Variants in KIF5C observed in about 807,000 individuals in gnomAD.
The protein encoded by KIF5C is kinesin heavy chain isoform 5C.
KIF5C carries 18 observed loss-of-function variants against 125.2 expected under a neutral mutation model. That is an observed-to-expected ratio of 0.14 (90% confidence interval 0.10 to 0.21). The LOEUF is 0.21. Ranked by LOEUF, KIF5C falls within the 10% of genes least tolerant of loss-of-function variation. The pLI, the probability that KIF5C is intolerant of heterozygous loss-of-function variation, is 1.00. For missense variants in KIF5C, 780 were observed against 1,183.8 expected, an observed-to-expected ratio of 0.66 and a Z score of 5.01; for synonymous variants, 405 against 434.0, an observed-to-expected ratio of 0.93 and a Z score of 0.83.
intron 10 of KIF5C, among the ~76,000 whole-genome samples, chr2:148,957,841 A>G (rs1454528357): frequency 6.6e-6 from 1 of 152,102 alleles, no homozygotes; most frequent in East Asian, 1.9e-4. Context: ...GGATCTTGGA[A>G]GCCTCTCTCT....
intron 2 of KIF5C, among the ~76,000 whole-genome samples, chr2:148,926,860 C>CT: frequency 6.6e-6 from 1 of 152,302 alleles, no homozygotes; most frequent in East Asian, 1.9e-4. Context: ...GAGAGAGGTT[C>CT]TGCAGCAGTG....
In KIF5C at chr2:148,875,585, C is replaced by CCTCCCCCTGCCCCCCCCCT; in HGVS notation, c.-33_-32insCTCCCCCTGCCCCCCCCCT. The stretch of plus-strand genomic sequence containing the variant: ...TCGTTCCCGGCCCCGGCCCCCCACC[C>CCTCCCCCTGCCCCCCCCCT]ATCCCCGTGCCCCCTCCCTACCGCC... On this transcript the variant is annotated 5_prime_UTR_variant, in exon 1 of 26. Coordinates refer to ENST00000435030, the MANE Select transcript of KIF5C (RefSeq NM_004522.3). The CCTCCCCCTGCCCCCCCCCT allele has an allele frequency of 9.8e-7, 1 of 1,023,220 alleles. No homozygotes were observed. 63.4% of individuals were successfully genotyped at this position (1,023,220 alleles called of 1,614,324 possible). A position where few individuals can be genotyped will look rare whatever the true frequency, so the allele number is the denominator to read the frequency against.
chr2:148,880,197 C>A lies in KIF5C; in HGVS notation c.126+4454C>A, dbSNP rs148124711. ...GTGCAGTGGTGTGACCCTGGCTTAT[C>A]GCAACCTCTGCCTCCTGGGTTCAAG... On this transcript the variant is annotated intron_variant, in intron 1 of 25. Transcript: ENST00000435030. 3.6e-3 allele frequency among the ~76,000 whole-genome samples: 552 copies of A among 151,964 alleles called. 3 individuals carry two copies. Among genetic ancestry groups the A allele is most frequent in the African/African-American group, 0.012 (509 of 41,428 alleles).
chr2:148,990,997 C>G lies in KIF5C; in HGVS notation c.1717-13C>G, dbSNP rs1486479273. 3 of 1,609,932 alleles carry G rather than the reference C, an allele frequency of 1.9e-6. No homozygotes were observed. The highest frequency in any genetic ancestry group is 2.5e-6 in the Non-Finnish European group (3 of 1,177,498). On this transcript the variant is annotated splice_polypyrimidine_tract_variant and intron_variant, in intron 15 of 25. Transcript: ENST00000435030. ...TGTGGGCAACATTTGAGTGTGTCCC[C>G]TTCTTTGCTCAGTTGGCAGATGTGA...
chr2:149,003,720 C>T (rs1681921190), intron 21 of KIF5C, among the ~76,000 whole-genome samples: 1 of 152,172 alleles, frequency 6.6e-6, no homozygotes, highest in Admixed American at 6.5e-5. Flanking sequence ...TACTACCCTT[C>T]CCAAACTGTT....
At chr2:148,880,830 G>A (rs1681327403) in intron 1 of KIF5C, among the ~76,000 whole-genome samples, 1 of 152,070 alleles carries the variant, frequency 6.6e-6, no homozygotes, top group Non-Finnish European at 1.5e-5. Flanking sequence ...GCTGTAATCT[G>A]GCGTGTGTCA....
chr2:148,937,207 C>G, intron 3 of KIF5C, 77 bp from the exon 4 acceptor site: 9 of 1,523,628 alleles, frequency 5.9e-6, no homozygotes, highest in Non-Finnish European at 7.1e-6. Context: ...TCTGAGGAAC[C>G]CAGAGATGGT....
At chr2:148,933,507 A>C (rs1289792950) in intron 3 of KIF5C, among the ~76,000 whole-genome samples, 3 of 151,562 alleles carry the variant, frequency 2.0e-5, no homozygotes, top group African/African-American at 7.3e-5. Context: ...GCACATATAC[A>C]CACAGACACA....
chr2:148,916,289 A>T (rs1223083521), intron 1 of KIF5C, among the ~76,000 whole-genome samples: 1 of 152,272 alleles, frequency 6.6e-6, no homozygotes, highest in East Asian at 1.9e-4. Flanking sequence ...CCTGTACCAG[A>T]CATGGCTCCT....
intron 15 of KIF5C, 136 bp from the exon 16 acceptor site, chr2:148,990,874 T>G (rs1457693404): frequency 7.1e-7 from 1 of 1,415,078 alleles, no homozygotes; most frequent in Non-Finnish European, 9.3e-7. Flanking sequence ...GTTTAGTACT[T>G]TCCGCTTGTC....
Position 148,990,926 on chromosome 2 carries a change from G to C in KIF5C, c.1717-84G>C, listed in dbSNP as rs1046647723. 3.4e-6 allele frequency: 5 copies of C among 1,486,672 alleles called. No individual in the cohort carries two copies. In the African/African-American group the frequency reaches 7.0e-5, roughly 21 times the overall value. The allele number at this position is 1,486,672 out of a possible 1,614,324, so 92.1% of individuals were successfully genotyped here. On this transcript the variant is annotated intron_variant, in intron 15 of 25. Transcript: ENST00000435030. Reference sequence around the variant, plus strand: ...GAACCAGAAATCCATGGACACCTTGGGGATCCAGGGGCAGGTTTCCAGGGA... The same window carrying C: ...GAACCAGAAATCCATGGACACCTTGCGGATCCAGGGGCAGGTTTCCAGGGA...
At chr2:148,979,104 G>T in intron 13 of KIF5C, 114 bp downstream of exon 13, 2 of 1,303,866 alleles carry the variant, frequency 1.5e-6, no homozygotes, top group Non-Finnish European at 2.0e-6. Context: ...ACAGAATCAT[G>T]TGGAAATTTC....
At chr2:148,942,089 A>G (rs1349547160) in intron 6 of KIF5C, 99 bp downstream of exon 6, 32 of 1,372,780 alleles carry the variant, frequency 2.3e-5, no homozygotes, top group Non-Finnish European at 3.2e-5. Context: ...TGTAAAGAGC[A>G]TATAGGCATT....
chr2:148,906,850 A>G (rs1681129005), intron 1 of KIF5C, among the ~76,000 whole-genome samples: 1 of 152,180 alleles, frequency 6.6e-6, no homozygotes, highest in Non-Finnish European at 1.5e-5. Context: ...TGGGCGACAG[A>G]GCAAGACCCT....
intron 16 of KIF5C, among the ~76,000 whole-genome samples, chr2:148,992,798 T>G (rs1409883942): frequency 6.6e-6 from 1 of 152,238 alleles, no homozygotes; most frequent in Non-Finnish European, 1.5e-5. Context: ...ATAGTTGTTA[T>G]TTATAAAAAA....
rs990790319 is a variant in KIF5C at position 148,961,892 on chromosome 2, A to G, written c.969-79A>G. On this transcript the variant is annotated intron_variant, in intron 10 of 25. Transcript: ENST00000435030. Reference sequence around the variant, plus strand: ...TCCCTATTTCCAGTCTTTTGACATGAGGAATCTTGGGCTTAATCATATTGG... The same window carrying G: ...TCCCTATTTCCAGTCTTTTGACATGGGGAATCTTGGGCTTAATCATATTGG... 17 of 1,517,306 alleles carry G rather than the reference A, an allele frequency of 1.1e-5. No homozygotes were observed. In the African/African-American group the frequency reaches 1.9e-4, roughly 17 times the overall value. 94.0% of individuals were successfully genotyped at this position (1,517,306 alleles called of 1,614,324 possible). A position where few individuals can be genotyped will look rare whatever the true frequency, so the allele number is the denominator to read the frequency against.
At chr2:148,997,231 A>G (rs914473017) in intron 17 of KIF5C, 33 bp from the exon 18 acceptor site, 2 of 1,597,782 alleles carry the variant, frequency 1.3e-6, no homozygotes, top group Non-Finnish European at 1.7e-6. Flanking sequence ...CCCACCAGTT[A>G]AGTCTTAAAT....
chr2:148,889,886 T>C (rs1202764554), intron 1 of KIF5C, among the ~76,000 whole-genome samples: 1 of 152,100 alleles, frequency 6.6e-6, no homozygotes, highest in East Asian at 1.9e-4. Context: ...AAAAGCAATA[T>C]GAGGAGGAAA....
intron 2 of KIF5C, 75 bp downstream of exon 2, chr2:148,922,302 G>C: frequency 2.1e-6 from 2 of 932,636 alleles, no homozygotes; most frequent in Non-Finnish European, 3.3e-6. Context: ...TGCAGCCTAG[G>C]AATCAATGTG....
Sources: allele counts gnomAD v4.1 joint callset (sites outside exome capture counted in the v4.1 genomes callset), GRCh38; gene constraint gnomAD v4.1.1; transcripts MANE v1.5; gene names NCBI Gene and HGNC (gene_info 2026-07-23, HGNC 2026-07-21).